The following PCNX1 variants were observed in gnomAD, a reference collection of about 807,000 sequenced individuals.
The protein encoded by PCNX1 is pecanex-like protein 1.
PCNX1 carries 78 observed loss-of-function variants against 242.2 expected under a neutral mutation model. The ratio of observed to expected loss-of-function variants is 0.32; its 90% CI spans 0.27 to 0.39. The LOEUF is 0.39. Among genes scored for constraint, PCNX1 ranks in the 10% least tolerant of loss-of-function variants. The probability of loss-of-function intolerance (pLI) is 1.00; values close to 1 mark genes in which losing one functional copy is unlikely to be tolerated. For synonymous variants in PCNX1, 1,024 were observed against 1,032.9 expected (o/e 0.99, Z 0.17); for missense variants, 2,581 against 2,856.5 (o/e 0.90, Z 2.20).
At chr14:71,057,747 A>G (rs2061220459) in intron 26 of PCNX1, 23 bp downstream of exon 26, 3 of 1,515,520 alleles carry the variant, frequency 2.0e-6, no homozygotes, top group Non-Finnish European at 2.7e-6. Flanking sequence ...TTCACCTTTT[A>G]TTTCTGTAGC....
rs981786190 is a variant in PCNX1 at position 70,950,580 on chromosome 14, A to T, written c.362+3457A>T. On this transcript the variant is annotated intron_variant, in intron 2 of 35. Transcript: ENST00000304743. ...CAAATTCCCAAGATTTTACCATTTA[A>T]TGACTATGACCAGAAATTCAGCTGC... Among the ~76,000 whole-genome samples, 16 of 152,128 alleles carry T rather than the reference A, an allele frequency of 1.1e-4. 2 individuals carry two copies. Among genetic ancestry groups the T allele is most frequent in the Admixed American group, 1.0e-3 (16 of 15,258 alleles).
intron 28 of PCNX1, chr14:71,085,651 C>CAAAGTCTATAGGATTAA (rs937643758): frequency 6.2e-6 from 1 of 160,574 alleles, no homozygotes; most frequent in Admixed American, 6.5e-5. Context: ...TCAAAATTCT[C>CAAAGTCTATAGGATTAA]AAAGTCTATA....
At chr14:70,963,216 T>C (rs1042566585) in intron 3 of PCNX1, among the ~76,000 whole-genome samples, 2 of 152,226 alleles carry the variant, frequency 1.3e-5, no homozygotes, top group African/African-American at 4.8e-5. Context: ...CTAACTCTTC[T>C]TGTAACTATC....
At chr14:70,915,257 C>G (rs72724310) in intron 1 of PCNX1, among the ~76,000 whole-genome samples, 20,602 of 152,132 alleles carry the variant, frequency 0.14, 1,649 homozygotes, top group South Asian at 0.26. Flanking sequence ...TATCAGAACT[C>G]AAAGACACTG....
At chr14:71,094,019 G>C (rs995669237) in intron 30 of PCNX1, among the ~76,000 whole-genome samples, 6 of 152,100 alleles carry the variant, frequency 3.9e-5, no homozygotes, top group African/African-American at 1.4e-4. Flanking sequence ...CATTTTTGGG[G>C]GAGTCAAAGG....
chr14:70,922,663 A>G (rs953936615), intron 1 of PCNX1, among the ~76,000 whole-genome samples: 2 of 152,054 alleles, frequency 1.3e-5, no homozygotes, highest in Non-Finnish European at 2.9e-5. Context: ...GGATCCACTG[A>G]AGTGCATGTA....
chr14:71,073,485 C>A, intron 26 of PCNX1, 60 bp from the exon 27 acceptor site: 2 of 1,468,142 alleles, frequency 1.4e-6, no homozygotes, highest in Admixed American at 3.8e-5. Flanking sequence ...TGTGTCCTTG[C>A]ATTCATTTTT....
chr14:71,088,893 AT>A (rs1207052589), intron 29 of PCNX1, among the ~76,000 whole-genome samples: 2 of 152,034 alleles, frequency 1.3e-5, no homozygotes, highest in Admixed American at 6.5e-5. Context: ...CATATTTTAA[AT>A]TTTTTTCTGT....
chr14:71,095,689 T>C (rs2062256416), intron 30 of PCNX1, among the ~76,000 whole-genome samples: 1 of 152,238 alleles, frequency 6.6e-6, no homozygotes, highest in African/African-American at 2.4e-5. Context: ...GCTATTTTTT[T>C]TCATTTAATA....
chr14:71,103,379 G>C lies in PCNX1; in HGVS notation c.5821-16G>C. The C allele has an allele frequency of 6.2e-7, 1 of 1,612,816 alleles. No individual in the cohort carries two copies. The highest frequency in any genetic ancestry group is 2.2e-5 in the East Asian group (1 of 44,850). On this transcript the variant is annotated splice_polypyrimidine_tract_variant and intron_variant, in intron 31 of 35. Transcript: ENST00000304743. ...CTTGGCCCCTTAACCTAATTCCCTT[G>C]TGTTCTGGTTTTCAGGTGAATAAGG...
chr14:71,026,171 G>T lies in PCNX1; in HGVS notation c.3238G>T (p.Gly1080Cys). Residue 1080 changes from glycine (G) to cysteine (C), a missense_variant, in exon 14 of 36, where the codon GGT becomes TGT. Physicochemically the swap from Gly to Cys is radical, Grantham distance 159 (BLOSUM62 -3). This residue lies in a region of PCNX1 where 432 missense variants were observed against 443.1 expected (regional missense o/e 0.97). Coordinates refer to ENST00000304743, the MANE Select transcript of PCNX1 (RefSeq NM_014982.3). ...ACCAGTTTATTTCTGCATATGTTGCGGTCTTATTTGGCTCTTGGATTATGG... is the reference window on the plus strand; with the variant it reads ...ACCAGTTTATTTCTGCATATGTTGCTGTCTTATTTGGCTCTTGGATTATGG... ...SRPVYFCICC[G>C]LIWLLDYGSR... 1.2e-6 allele frequency: 2 copies of T among 1,609,736 alleles called. No individual in the cohort carries two copies. Among genetic ancestry groups the T allele is most frequent in the Non-Finnish European group, 1.7e-6 (2 of 1,176,852 alleles).
chr14:70,908,093 C>T, intron 1 of PCNX1, 90 bp downstream of exon 1: 2 of 1,276,786 alleles, frequency 1.6e-6, no homozygotes, highest in Non-Finnish European at 2.1e-6. Flanking sequence ...TCCACGGGGT[C>T]TCGTCCCCCG....
In PCNX1 at chr14:71,111,281, A is replaced by AT. The variant is rs945665751; in HGVS notation, c.*1352dup. On this transcript the variant is annotated 3_prime_UTR_variant, in exon 36 of 36. Coordinates refer to ENST00000304743, the MANE Select transcript of PCNX1 (RefSeq NM_014982.3). ...TTAGATTTAATTTGCAACTCTTAGC[A>AT]TTTTTTAAATCCTTGATAAAATTTT... 6.6e-6 allele frequency: 1 copy of AT among 152,604 alleles called. No homozygotes were observed. The highest frequency in any genetic ancestry group is 6.5e-5 in the Admixed American group (1 of 15,280). The allele number at this position is 152,604 out of a possible 1,614,324, so 9.5% of individuals were successfully genotyped here. A position where few individuals can be genotyped will look rare whatever the true frequency, so the allele number is the denominator to read the frequency against.
intron 33 of PCNX1, among the ~76,000 whole-genome samples, chr14:71,106,306 C>T (rs1028150660): frequency 6.6e-6 from 1 of 152,174 alleles, no homozygotes; most frequent in African/African-American, 2.4e-5. Flanking sequence ...GCGTGAGCCA[C>T]CACGCCCAGC....
intron 7 of PCNX1, among the ~76,000 whole-genome samples, chr14:70,990,767 CTT>C (rs1292163806): frequency 2.0e-5 from 3 of 152,002 alleles, no homozygotes; most frequent in Non-Finnish European, 4.4e-5. Flanking sequence ...GTTCTTTTTC[CTT>C]TCTACTTTGC....
intron 9 of PCNX1, among the ~76,000 whole-genome samples, chr14:71,010,362 T>C (rs879833839): frequency 5.9e-5 from 9 of 152,074 alleles, no homozygotes; most frequent in Non-Finnish European, 1.3e-4. Flanking sequence ...TCTCTTTCTT[T>C]ATGTAATTTT....
chr14:70,978,487 C>G lies in PCNX1; in HGVS notation c.2150C>G (p.Thr717Ser), dbSNP rs1202233584. 1.2e-6 allele frequency: 2 copies of G among 1,614,150 alleles called. No individual in the cohort carries two copies. Among genetic ancestry groups the G allele is most frequent in the Non-Finnish European group, 1.7e-6 (2 of 1,180,022 alleles). ...GCACCTGAAAGTATAAAGCCCTTAA[C>G]CACTTCAAAATCAGATCTTGAGGCC... ...LMAPESIKPL[T>S]TSKSDLEAKE... Residue 717 changes from threonine (T) to serine (S), a missense_variant, in exon 6 of 36, where the codon ACC becomes AGC. By Grantham distance (58) the Thr-to-Ser change is moderately conservative (BLOSUM62 1). This residue lies in a region of PCNX1 where 1,204 missense variants were observed against 1,216.7 expected (regional missense o/e 0.99). Coordinates refer to ENST00000304743, the MANE Select transcript of PCNX1 (RefSeq NM_014982.3).
At chr14:70,912,998 G>A (rs2055991872) in intron 1 of PCNX1, among the ~76,000 whole-genome samples, 1 of 152,142 alleles carries the variant, frequency 6.6e-6, no homozygotes. Context: ...ACCATAAATA[G>A]GTTCCCTCTC....
chr14:70,946,825 ATG>A, intron 1 of PCNX1, 88 bp from the exon 2 acceptor site: 2 of 946,428 alleles, frequency 2.1e-6, no homozygotes, highest in Non-Finnish European at 1.6e-6. Flanking sequence ...TTGTGTGTAA[ATG>A]TGTTTATTAT....
Sources: allele counts gnomAD v4.1 joint callset (sites outside exome capture counted in the v4.1 genomes callset), GRCh38; gene constraint gnomAD v4.1.1; regional missense constraint gnomAD v4.1.1; transcripts MANE v1.5; gene names NCBI Gene and HGNC (gene_info 2026-07-23, HGNC 2026-07-21).